The following ZBTB20 variants were observed in gnomAD, a reference collection of about 807,000 sequenced individuals.
ZBTB20 encodes the protein zinc finger and BTB domain-containing protein 20.
ZBTB20 carries 9 observed loss-of-function variants against 56.9 expected under a neutral mutation model. The ratio of observed to expected loss-of-function variants is 0.16; its 90% confidence interval spans 0.10 to 0.28. The LOEUF is 0.28. Ranked by LOEUF, ZBTB20 falls within the 10% of genes least tolerant of loss-of-function variation. The probability of loss-of-function intolerance (pLI) is 1.00; values close to 1 mark genes in which losing one functional copy is unlikely to be tolerated. For synonymous variants in ZBTB20, 417 were observed against 420.7 expected (o/e 0.99, Z 0.11); for missense variants, 655 against 1,003.0 (o/e 0.65, Z 4.69).
intron 6 of ZBTB20, among the ~76,000 whole-genome samples, chr3:114,569,786 AAC>A (rs1395541553): frequency 6.6e-6 from 1 of 152,156 alleles, no homozygotes; most frequent in Non-Finnish European, 1.5e-5. Flanking sequence ...CTATACATGA[AAC>A]ACAGAGTCGA....
chr3:114,421,473 T>C (rs1006068112), intron 7 of ZBTB20, among the ~76,000 whole-genome samples: 1 of 152,160 alleles, frequency 6.6e-6, no homozygotes, highest in Non-Finnish European at 1.5e-5. Flanking sequence ...ACGGCAGCAA[T>C]GAGCCGACGT....
At chr3:114,369,372 A>T (rs2108423109) in intron 10 of ZBTB20, among the ~76,000 whole-genome samples, 2 of 151,918 alleles carry the variant, frequency 1.3e-5, no homozygotes, top group East Asian at 1.9e-4. Flanking sequence ...AAAGGAAAAA[A>T]CTCCTCAAGG....
In ZBTB20 at chr3:114,351,831, G is replaced by C. The variant is rs1034686880; in HGVS notation, c.247C>G (p.Leu83Val). ...GMTERIHSINLHNFSNSVLET... is the reference protein window; with the variant it reads ...GMTERIHSINVHNFSNSVLET... ...AGCACGGAATTGCTGAAGTTGTGAA[G>C]GTTGATGCTGTGAATGCGCTCGGTC... is the stretch of plus-strand genomic sequence containing the variant. The change falls in exon 11 of 12, where the codon CTT (leucine) becomes GTT (valine). Residue 83 changes from leucine (L) to valine (V), a missense_variant. By Grantham distance (32) the Leu-to-Val change is conservative. Coordinates refer to ENST00000675478, the MANE Select transcript of ZBTB20 (RefSeq NM_001348800.3). 6.2e-7 allele frequency: 1 copy of C among 1,603,806 alleles called. No individual in the cohort carries two copies. Among genetic ancestry groups the C allele is most frequent in the Non-Finnish European group, 8.5e-7 (1 of 1,171,510 alleles).
intron 4 of ZBTB20, among the ~76,000 whole-genome samples, chr3:114,846,808 A>G (rs2074727332): frequency 6.6e-6 from 1 of 152,214 alleles, no homozygotes; most frequent in Non-Finnish European, 1.5e-5. Flanking sequence ...TTAAAAGATA[A>G]TAAGAAGATG....
intron 4 of ZBTB20, among the ~76,000 whole-genome samples, chr3:114,836,180 ATG>A (rs2074110673): frequency 6.6e-6 from 1 of 152,228 alleles, no homozygotes; most frequent in Non-Finnish European, 1.5e-5. Flanking sequence ...TGTATTTGAT[ATG>A]TGTGTTTTAA....
At chr3:115,031,794 G>A (rs2080693769) in intron 2 of ZBTB20, among the ~76,000 whole-genome samples, 3 of 151,260 alleles carry the variant, frequency 2.0e-5, no homozygotes, top group African/African-American at 7.3e-5. Context: ...ATATTAAATG[G>A]GTAAAATTGT....
chr3:115,018,542 C>T (rs559564236), intron 2 of ZBTB20, among the ~76,000 whole-genome samples: 1 of 151,274 alleles, frequency 6.6e-6, no homozygotes, highest in South Asian at 2.1e-4. Flanking sequence ...TTAACTATGG[C>T]AATTAGCACC....
intron 7 of ZBTB20, among the ~76,000 whole-genome samples, chr3:114,486,476 A>C (rs901433422): frequency 6.6e-5 from 10 of 152,172 alleles, no homozygotes; most frequent in Non-Finnish European, 1.5e-4. Flanking sequence ...CTGTTATAAA[A>C]CTGGTAGAGG....
chr3:115,050,732 T>C (rs1560526881), intron 2 of ZBTB20, among the ~76,000 whole-genome samples: 2 of 152,020 alleles, frequency 1.3e-5, no homozygotes, highest in Admixed American at 1.3e-4. Context: ...ACCGAAACTT[T>C]TATGTGCAGA....
intron 7 of ZBTB20, among the ~76,000 whole-genome samples, chr3:114,477,603 C>T (rs915264587): frequency 8.9e-5 from 13 of 146,252 alleles, no homozygotes; most frequent in African/African-American, 3.3e-4. Flanking sequence ...TCAAGCGATT[C>T]TCCTGCCTCA....
chr3:114,514,731 A>C (rs1430567895), intron 6 of ZBTB20, among the ~76,000 whole-genome samples: 1 of 152,144 alleles, frequency 6.6e-6, no homozygotes. Context: ...AAAACAAAGA[A>C]AGGGAGAGCG....
intron 4 of ZBTB20, among the ~76,000 whole-genome samples, chr3:114,834,323 G>A (rs776722242): frequency 3.3e-5 from 5 of 152,090 alleles, no homozygotes; most frequent in Non-Finnish European, 7.4e-5. Context: ...CAAAACCAGA[G>A]ACAAGCCCTT....
chr3:114,579,939 T>A (rs1380812992), intron 6 of ZBTB20, among the ~76,000 whole-genome samples: 2 of 151,708 alleles, frequency 1.3e-5, no homozygotes, highest in Non-Finnish European at 3.0e-5. Context: ...AATTACCAAG[T>A]TCAGATGACA....
rs778313843 is a variant in ZBTB20 at position 114,316,569 on chromosome 3, C to T, written c.*22436G>A. 4 of 533,330 alleles carry T rather than the reference C, an allele frequency of 7.5e-6. No homozygotes were observed. Among genetic ancestry groups the T allele is most frequent in the East Asian group, 5.5e-5 (1 of 18,314 alleles). 33.0% of individuals were successfully genotyped at this position (533,330 alleles called of 1,614,324 possible). On this transcript the variant is annotated 3_prime_UTR_variant, in exon 12 of 12. Coordinates refer to ENST00000675478, the MANE Select transcript of ZBTB20 (RefSeq NM_001348800.3). The stretch of plus-strand genomic sequence containing the variant: ...CATTTATACATAATATAGTGTATAT[C>T]GTTTCAACTGGAGATAAACTGAACT...
intron 2 of ZBTB20, among the ~76,000 whole-genome samples, chr3:114,976,733 T>C (rs961746021): frequency 6.6e-5 from 10 of 152,184 alleles, no homozygotes; most frequent in Non-Finnish European, 8.8e-5. Context: ...GTGTACTCAA[T>C]ACTTTTTATT....
chr3:115,019,601 C>T (rs2108297367), intron 2 of ZBTB20, among the ~76,000 whole-genome samples: 1 of 151,188 alleles, frequency 6.6e-6, no homozygotes, highest in East Asian at 2.0e-4. Context: ...CTTTGCTGTA[C>T]CTAGGAACAT....
chr3:114,895,745 G>C (rs542941483), intron 4 of ZBTB20, among the ~76,000 whole-genome samples: 1 of 152,166 alleles, frequency 6.6e-6, no homozygotes, highest in African/African-American at 2.4e-5. Flanking sequence ...TAATACATAG[G>C]TGGTAGTGGT....
chr3:114,835,384 G>GT (rs1433212168), intron 4 of ZBTB20, among the ~76,000 whole-genome samples: 4 of 151,702 alleles, frequency 2.6e-5, no homozygotes, highest in Non-Finnish European at 4.4e-5. Flanking sequence ...CAAAAAAGTT[G>GT]TTTTTTTAAT....
intron 3 of ZBTB20, among the ~76,000 whole-genome samples, chr3:114,925,314 G>A (rs2076115361): frequency 1.3e-5 from 2 of 151,694 alleles, no homozygotes; most frequent in South Asian, 4.2e-4. Context: ...TTATTTCTCT[G>A]CTGAGATTTC....
Sources: allele counts gnomAD v4.1 joint callset (sites outside exome capture counted in the v4.1 genomes callset), GRCh38; gene constraint gnomAD v4.1.1; transcripts MANE v1.5; gene names NCBI Gene and HGNC (gene_info 2026-07-23, HGNC 2026-07-21).